The following GSE1 variants were observed in gnomAD, a reference collection of about 807,000 sequenced individuals.
GSE1 encodes genetic suppressor element 1.
In GSE1, 32 loss-of-function variants were observed where a neutral mutation model predicts 112.6. That is an observed-to-expected ratio of 0.28 (90% CI 0.21 to 0.38). GSE1 has a LOEUF of 0.38. Ranked by LOEUF, GSE1 falls within the 10% of genes least tolerant of loss-of-function variation. The pLI is 1.00. For synonymous variants in GSE1, 1,115 were observed against 735.6 expected (o/e 1.52, Z -8.35); for missense variants, 2,348 against 1,699.2 (o/e 1.38, Z -6.71).
At chr16:85,626,195 C>G (rs186462744) in intron 1 of GSE1, among the ~76,000 whole-genome samples, 2 of 151,964 alleles carry the variant, frequency 1.3e-5, no homozygotes, top group African/African-American at 2.4e-5. Flanking sequence ...GCAAGAAGAC[C>G]TCTCCCCAGG....
At chr16:85,645,299 C>T (rs1383918583) in intron 2 of GSE1, among the ~76,000 whole-genome samples, 2 of 152,058 alleles carry the variant, frequency 1.3e-5, no homozygotes, top group East Asian at 1.9e-4. Context: ...GGGGGCCTTG[C>T]CTTGGGCAGT....
At chr16:85,223,852 A>G (rs2075435522) in intron 1 of GSE1, among the ~76,000 whole-genome samples, 1 of 151,932 alleles carries the variant, frequency 6.6e-6, no homozygotes, top group Non-Finnish European at 1.5e-5. Flanking sequence ...CGATCCACCC[A>G]TCTTGGCCCC....
chr16:85,209,681 G>A (rs1024381785), intron 1 of GSE1, among the ~76,000 whole-genome samples: 20 of 152,220 alleles, frequency 1.3e-4, no homozygotes, highest in African/African-American at 4.6e-4. Flanking sequence ...ACCCTAGATC[G>A]AGGTGCATGG....
chr16:85,487,011 T>C (rs2050864018), intron 2 of GSE1, among the ~76,000 whole-genome samples: 1 of 152,100 alleles, frequency 6.6e-6, no homozygotes, highest in African/African-American at 2.4e-5. Context: ...CACGGGTGGT[T>C]GCTATGTACC....
chr16:85,663,480 A>G lies in GSE1; in HGVS notation c.2510A>G (p.Gln837Arg), dbSNP rs775910265. 6.2e-7 allele frequency: 1 copy of G among 1,613,906 alleles called. No individual in the cohort carries two copies. Among genetic ancestry groups the G allele is most frequent in the South Asian group, 1.1e-5 (1 of 91,066 alleles). The change falls in exon 11 of 16, where the codon CAG (glutamine) becomes CGG (arginine). Residue 837 changes from glutamine (Q) to arginine (R), a missense_variant. Coordinates refer to ENST00000253458, the MANE Select transcript of GSE1 (RefSeq NM_014615.5). ...CCCCCAACAATTCAGAGCAAGCGGC[A>G]GACGCCTTCACCGAGACTGGCGCTG... ...PSPPTIQSKR[Q>R]TPSPRLALST...
intron 1 of GSE1, among the ~76,000 whole-genome samples, chr16:85,294,547 G>C (rs1222585089): frequency 6.6e-6 from 1 of 151,900 alleles, no homozygotes; most frequent in Non-Finnish European, 1.5e-5. Flanking sequence ...TCAACAGTGT[G>C]GGGCTGAATT....
At chr16:85,181,770 C>T (rs540159289) in intron 1 of GSE1, among the ~76,000 whole-genome samples, 4 of 152,256 alleles carry the variant, frequency 2.6e-5, no homozygotes, top group Admixed American at 1.3e-4. Context: ...GGGGCTGGGA[C>T]GGGTCCTGGG....
At chr16:85,186,802 T>A (rs1236917520) in intron 1 of GSE1, among the ~76,000 whole-genome samples, 3 of 152,108 alleles carry the variant, frequency 2.0e-5, no homozygotes, top group Non-Finnish European at 2.9e-5. Flanking sequence ...ACAGTCTGAG[T>A]CTTCAAATCA....
rs546037213 is a variant in GSE1, at chr16:85,392,715, C to T, written c.2464+35072C>T. ...TATCTCTGTATCACAGATGAGGAAA[C>T]TGAGAGCCAGCCGCATATCACAGCC... On this transcript the variant is annotated intron_variant, in intron 2 of 2. Coordinates refer to the GSE1 transcript ENST00000637419. Among the ~76,000 whole-genome samples, 3 of 152,338 alleles carry T rather than the reference C, an allele frequency of 2.0e-5. No homozygotes were observed. In the South Asian group the frequency reaches 6.2e-4, roughly 32 times the overall value.
chr16:85,566,662 G>C (rs753067014), intron 1 of GSE1, among the ~76,000 whole-genome samples: 3 of 152,224 alleles, frequency 2.0e-5, no homozygotes, highest in Non-Finnish European at 4.4e-5. Context: ...TGGGGCCTTT[G>C]AACCGGCCCC....
At chr16:85,177,948 C>T (rs893238671) in intron 1 of GSE1, among the ~76,000 whole-genome samples, 1 of 152,158 alleles carries the variant, frequency 6.6e-6, no homozygotes, top group Non-Finnish European at 1.5e-5. Flanking sequence ...TGGAGAAGAG[C>T]ACCCATATTC....
At chr16:85,632,241 G>A (rs928889373) in intron 1 of GSE1, among the ~76,000 whole-genome samples, 1 of 152,214 alleles carries the variant, frequency 6.6e-6, no homozygotes, top group African/African-American at 2.4e-5. Context: ...CCTGGCTGTT[G>A]CCTGCCATGG....
chr16:85,430,355 A>G (rs2049090890), intron 2 of GSE1, among the ~76,000 whole-genome samples: 1 of 152,214 alleles, frequency 6.6e-6, no homozygotes, highest in African/African-American at 2.4e-5. Context: ...CCTCCCGTGC[A>G]GTCCTCATTC....
intron 1 of GSE1, among the ~76,000 whole-genome samples, chr16:85,568,992 T>C (rs896455141): frequency 6.6e-6 from 1 of 152,140 alleles, no homozygotes. Context: ...AGATAATCTT[T>C]GGTTCTGGAG....
At chr16:85,288,986 C>G (rs12443900) in intron 1 of GSE1, among the ~76,000 whole-genome samples, 4,046 of 152,270 alleles carry the variant, frequency 0.027, 83 homozygotes, top group Middle Eastern at 0.044. Context: ...ACAATGGTGT[C>G]AGGCTCTCCT....
chr16:85,394,585 G>A (rs989251372), intron 2 of GSE1, among the ~76,000 whole-genome samples: 3 of 152,102 alleles, frequency 2.0e-5, no homozygotes, highest in Non-Finnish European at 4.4e-5. Flanking sequence ...CAGCCCCCGC[G>A]CACACACACA....
chr16:85,343,870 C>A (rs2046676177), intron 1 of GSE1, among the ~76,000 whole-genome samples: 1 of 152,340 alleles, frequency 6.6e-6, no homozygotes, highest in South Asian at 2.1e-4. Context: ...CCTGTGGGAA[C>A]CTCCAAAATG....
rs1000430855 is a variant in GSE1, at chr16:85,660,040, C to T, written c.1641-1106C>T. Among the ~76,000 whole-genome samples, 9 of 152,192 alleles carry T rather than the reference C, an allele frequency of 5.9e-5. No individual in the cohort carries two copies. The East Asian group carries it at 1.2e-3, about 20-fold the overall frequency. ...TGGAAGGTTGTCTTGTGGCTGCCTGCGGGGACAGTGGGGAGGGAGGAGTAC... is the reference window on the plus strand; with the variant it reads ...TGGAAGGTTGTCTTGTGGCTGCCTGTGGGGACAGTGGGGAGGGAGGAGTAC... On this transcript the variant is annotated intron_variant, in intron 8 of 15. Coordinates refer to ENST00000253458, the MANE Select transcript of GSE1 (RefSeq NM_014615.5).
At chr16:85,478,323 T>G (rs2050526444) in intron 2 of GSE1, among the ~76,000 whole-genome samples, 1 of 151,946 alleles carries the variant, frequency 6.6e-6, no homozygotes, top group South Asian at 2.1e-4. Flanking sequence ...GACCAGGAGT[T>G]CAAGACCAGC....
Sources: gnomAD v4.1 joint callset for allele counts (sites outside exome capture counted in the v4.1 genomes callset) on GRCh38, gnomAD v4.1.1 for gene constraint, MANE v1.5 for transcripts, NCBI Gene and HGNC (gene_info 2026-07-23, HGNC 2026-07-21) for gene names.